The following AP3B1 variants were observed in gnomAD, a reference collection of about 807,000 sequenced individuals.
AP3B1 encodes AP-3 complex subunit beta-1.
In AP3B1, 61 loss-of-function variants were observed where a neutral mutation model predicts 132.5. The ratio of observed to expected loss-of-function variants is 0.46; its 90% CI spans 0.37 to 0.57. The LOEUF is 0.57. Among genes scored for constraint, AP3B1 ranks in the 20% least tolerant of loss-of-function variants. AP3B1 has a pLI of 0.00. For synonymous variants in AP3B1, 388 were observed against 438.3 expected, an observed-to-expected ratio of 0.89 and a Z score of 1.43; for missense variants, 1,120 against 1,289.4, an observed-to-expected ratio of 0.87 and a Z score of 2.01.
intron 7 of AP3B1, among the ~76,000 whole-genome samples, chr5:78,190,204 A>G (rs1744772251): frequency 1.3e-5 from 2 of 152,162 alleles, no homozygotes; most frequent in African/African-American, 4.8e-5. Flanking sequence ...GTTAATTATC[A>G]TTTAAAAACA....
At chr5:78,294,367 T>C (rs1749661362) in intron 1 of AP3B1, 85 bp downstream of exon 1, 2 of 1,601,604 alleles carry the variant, frequency 1.2e-6, no homozygotes, top group South Asian at 2.2e-5. Flanking sequence ...ACCCCGCTCC[T>C]CTCCAGGAAG....
intron 24 of AP3B1, among the ~76,000 whole-genome samples, chr5:78,032,461 T>C (rs772188853): frequency 6.6e-6 from 1 of 152,306 alleles, no homozygotes; most frequent in Non-Finnish European, 1.5e-5. Flanking sequence ...TGCTATTTAC[T>C]ATGCAAAAGG....
intron 22 of AP3B1, among the ~76,000 whole-genome samples, chr5:78,076,204 T>C (rs190049835): frequency 1.3e-5 from 2 of 152,380 alleles, no homozygotes; most frequent in Admixed American, 1.3e-4. Context: ...CTTGGTATAC[T>C]GTAATTACAT....
intron 20 of AP3B1, among the ~76,000 whole-genome samples, chr5:78,102,724 A>T (rs1430006295): frequency 6.6e-6 from 1 of 152,146 alleles, no homozygotes; most frequent in Non-Finnish European, 1.5e-5. Context: ...GCTTCCTATA[A>T]GCTACAATGG....
Position 78,186,251 on chromosome 5 carries a change from T to C in AP3B1, c.787-4589A>G, listed in dbSNP as rs1369339809. Among the ~76,000 whole-genome samples, 3 of 152,140 alleles carry C rather than the reference T, an allele frequency of 2.0e-5. No homozygotes were observed. In the East Asian group the frequency reaches 5.8e-4, roughly 29 times the overall value. On this transcript the variant is annotated intron_variant, in intron 7 of 26. Transcript: ENST00000255194. ...AGGGAAAGCACAATAACTATATTAA[T>C]ATGAGATAAAGTACACTTCAGAGCA...
chr5:78,152,917 A>T (rs942661429), intron 14 of AP3B1, among the ~76,000 whole-genome samples: 4 of 152,018 alleles, frequency 2.6e-5, no homozygotes, highest in African/African-American at 7.2e-5. Flanking sequence ...ACTTGGTATT[A>T]TTTTTTTCAA....
intron 19 of AP3B1, among the ~76,000 whole-genome samples, chr5:78,113,361 T>C (rs1751675858): frequency 6.6e-6 from 1 of 152,252 alleles, no homozygotes; most frequent in South Asian, 2.1e-4. Context: ...GATCATAATC[T>C]TTTTAATATA....
At chr5:78,121,570 T>C (rs865989769) in intron 17 of AP3B1, among the ~76,000 whole-genome samples, 1 of 152,218 alleles carries the variant, frequency 6.6e-6, no homozygotes, top group Admixed American at 6.5e-5. Context: ...CAAACATCTC[T>C]ACGCAAATAA....
At chr5:78,092,369 G>T (rs1182303349) in intron 21 of AP3B1, among the ~76,000 whole-genome samples, 1 of 152,134 alleles carries the variant, frequency 6.6e-6, no homozygotes, top group African/African-American at 2.4e-5. Context: ...CTGTTTGCAG[G>T]TATGGCAAGA....
In AP3B1 at chr5:78,216,183, C is replaced by A; in HGVS notation, c.658G>T (p.Asp220Tyr). The change falls in exon 7 of 27, where the codon GAT becomes TAT. Residue 220 changes from aspartate (D) to tyrosine (Y), a missense_variant. By Grantham distance (160) the Asp-to-Tyr change is radical (BLOSUM62 -3). Transcript: ENST00000255194. ...TTGCGGTAATTTTTATGAATCAGATCTATTCTGTCCGGGCATACTTCTTCA... is the reference window on the plus strand; with the variant it reads ...TTGCGGTAATTTTTATGAATCAGATATATTCTGTCCGGGCATACTTCTTCA... ...AFEEVCPDRI[D>Y]LIHKNYRKLC... 1 of 1,613,992 alleles carries A rather than the reference C, an allele frequency of 6.2e-7. No individual in the cohort carries two copies. The highest frequency in any genetic ancestry group is 8.5e-7 in the Non-Finnish European group (1 of 1,179,928).
At chr5:78,127,046 C>G (rs1212241941) in intron 17 of AP3B1, among the ~76,000 whole-genome samples, 1 of 152,074 alleles carries the variant, frequency 6.6e-6, no homozygotes, top group Non-Finnish European at 1.5e-5. Context: ...TGCTTCAAAG[C>G]CAGGATAAGT....
chr5:78,227,317 A>G (rs1381023832), intron 5 of AP3B1, 55 bp downstream of exon 5: 6 of 1,563,210 alleles, frequency 3.8e-6, no homozygotes, highest in African/African-American at 2.7e-5. Flanking sequence ...TCTGTGGTCT[A>G]TAACATTCCA....
At chr5:78,191,914 G>A (rs977087388) in intron 7 of AP3B1, among the ~76,000 whole-genome samples, 2 of 152,110 alleles carry the variant, frequency 1.3e-5, no homozygotes, top group Admixed American at 1.3e-4. Context: ...AGGCTGGAGT[G>A]CAATGGCGCG....
intron 3 of AP3B1, among the ~76,000 whole-genome samples, chr5:78,235,352 G>A (rs1198003888): frequency 6.6e-6 from 1 of 152,106 alleles, no homozygotes; most frequent in East Asian, 1.9e-4. Context: ...ATGAACTCTA[G>A]AATATATCAC....
At chr5:78,193,684 A>G (rs1744934272) in intron 7 of AP3B1, among the ~76,000 whole-genome samples, 2 of 146,288 alleles carry the variant, frequency 1.4e-5, no homozygotes, top group South Asian at 4.2e-4. Flanking sequence ...TTATATATTT[A>G]CATATATATT....
chr5:78,235,131 G>A (rs1290738678), intron 3 of AP3B1, among the ~76,000 whole-genome samples: 2 of 151,950 alleles, frequency 1.3e-5, no homozygotes, highest in Non-Finnish European at 2.9e-5. Flanking sequence ...TGGTAATTAG[G>A]ACTCTAGGTG....
At chr5:78,040,999 G>C (rs984765755) in intron 22 of AP3B1, among the ~76,000 whole-genome samples, 8 of 152,160 alleles carry the variant, frequency 5.3e-5, no homozygotes, top group African/African-American at 1.9e-4. Flanking sequence ...CTCTGGCCAG[G>C]CGCGGTGGCT....
chr5:78,181,569 C>G lies in AP3B1; in HGVS notation c.880G>C (p.Asp294His). ...CTAATTAAGAGTCTATGATCTGGAT[C>G]CATAGTATACGGCTTCTTCTTTTTG... is the stretch of plus-strand genomic sequence containing the variant. ...TDKKKKPYTM[D>H]PDHRLLIRNT... Residue 294 changes from aspartate to histidine, a missense_variant, in exon 8 of 27, where the codon GAT (aspartate) becomes CAT (histidine). Physicochemically the swap from Asp to His is moderately conservative, Grantham distance 81. Coordinates refer to ENST00000255194, the MANE Select transcript of AP3B1 (RefSeq NM_003664.5). 1 of 1,612,908 alleles carries G rather than the reference C, an allele frequency of 6.2e-7. No individual in the cohort carries two copies. The highest frequency in any genetic ancestry group is 8.5e-7 in the Non-Finnish European group (1 of 1,179,292).
intron 2 of AP3B1, among the ~76,000 whole-genome samples, chr5:78,256,221 A>G (rs576474579): frequency 3.3e-5 from 5 of 152,168 alleles, no homozygotes; most frequent in Non-Finnish European, 7.4e-5. Context: ...CAAAAGATCA[A>G]TGAAACAAAA....
Sources: allele counts gnomAD v4.1 joint callset (sites outside exome capture counted in the v4.1 genomes callset), GRCh38; gene constraint gnomAD v4.1.1; transcripts MANE v1.5; gene names NCBI Gene and HGNC (gene_info 2026-07-23, HGNC 2026-07-21).